The following KCNIP4 variants were observed in gnomAD, a reference collection of about 807,000 sequenced individuals.
KCNIP4 encodes the protein Kv channel-interacting protein 4.
In KCNIP4, 12 loss-of-function variants were observed where a neutral mutation model predicts 34.0. That is an observed-to-expected ratio of 0.35 (90% CI 0.23 to 0.57). The LOEUF is 0.57. KCNIP4 is among the 20% of genes least tolerant of loss of function. KCNIP4 has a pLI of 0.83. For missense variants in KCNIP4, 238 were observed against 311.7 expected, an observed-to-expected ratio of 0.76 and a Z score of 1.78; for synonymous variants, 124 against 102.2, an observed-to-expected ratio of 1.21 and a Z score of -1.29.
chr4:21,119,781 G>C (rs1488873098), intron 1 of KCNIP4, among the ~76,000 whole-genome samples: 1 of 151,904 alleles, frequency 6.6e-6, no homozygotes, highest in African/African-American at 2.4e-5. Context: ...TAATTAGCAG[G>C]TTTAGTTAGA....
intron 1 of KCNIP4, among the ~76,000 whole-genome samples, chr4:20,910,744 A>G (rs1266420469): frequency 6.6e-6 from 1 of 152,134 alleles, no homozygotes; most frequent in African/African-American, 2.4e-5. Context: ...AATTATCTCC[A>G]ATAAAACTTC....
chr4:20,996,063 G>A (rs1737525650), intron 1 of KCNIP4, among the ~76,000 whole-genome samples: 1 of 152,144 alleles, frequency 6.6e-6, no homozygotes, highest in African/African-American at 2.4e-5. Context: ...TTCCTTTAAT[G>A]AGTCAATTAA....
At chr4:21,082,871 C>CTATCTATA (rs1746119496) in intron 1 of KCNIP4, among the ~76,000 whole-genome samples, 1 of 144,258 alleles carries the variant, frequency 6.9e-6, no homozygotes, top group African/African-American at 2.7e-5. Context: ...GTTATTCTAT[C>CTATCTATA]TATCTATCTA....
chr4:20,764,144 C>T (rs1755187506), intron 3 of KCNIP4, among the ~76,000 whole-genome samples: 1 of 151,904 alleles, frequency 6.6e-6, no homozygotes, highest in Non-Finnish European at 1.5e-5. Flanking sequence ...GAAATTTTGT[C>T]TGATTATTAG....
In KCNIP4 at chr4:21,234,235, A is replaced by ATATAT. The variant is rs1491234860; in HGVS notation, c.62-351531_62-351527dup. Among the ~76,000 whole-genome samples, 7 of 36,504 alleles carry ATATAT rather than the reference A, an allele frequency of 1.9e-4. 1 individual carries two copies. The highest frequency in any genetic ancestry group is 1.1e-3 in the South Asian group (1 of 870). The allele number at this position is 36,504 out of a possible 152,430, so 23.9% of individuals were successfully genotyped here. Reference sequence around the variant, plus strand: ...GTATATTATATATAACATATATAACATATATATAACATATATTATATATAA... The same window carrying ATATAT: ...GTATATTATATATAACATATATAACATATATTATATATAACATATATTATATATAA... On this transcript the variant is annotated intron_variant, in intron 1 of 8. Transcript: ENST00000382152.
At chr4:21,795,357 T>A (rs1720554345) in intron 1 of KCNIP4, among the ~76,000 whole-genome samples, 1 of 152,170 alleles carries the variant, frequency 6.6e-6, no homozygotes, top group Non-Finnish European at 1.5e-5. Context: ...GAGAAAAACG[T>A]CTGTTGCGTA....
chr4:21,761,631 A>G (rs1173579039), intron 1 of KCNIP4, among the ~76,000 whole-genome samples: 2 of 84,674 alleles, frequency 2.4e-5, no homozygotes, highest in African/African-American at 1.5e-4. Context: ...AACAAGTACA[A>G]AAAAGCAAAA....
intron 1 of KCNIP4, among the ~76,000 whole-genome samples, chr4:21,242,194 T>G: frequency 6.8e-6 from 1 of 146,232 alleles, no homozygotes; most frequent in Non-Finnish European, 1.5e-5. Flanking sequence ...AAAGAATGTC[T>G]TCTTATGTTC....
intron 3 of KCNIP4, among the ~76,000 whole-genome samples, chr4:20,783,038 G>A (rs1757002584): frequency 6.6e-6 from 1 of 152,132 alleles, no homozygotes; most frequent in South Asian, 2.1e-4. Flanking sequence ...TGCAGCAGAA[G>A]CAAAATGCCA....
chr4:21,801,930 T>C (rs1446640496), intron 1 of KCNIP4, among the ~76,000 whole-genome samples: 1 of 151,334 alleles, frequency 6.6e-6, no homozygotes, highest in African/African-American at 2.4e-5. Context: ...AGGAAAGGGA[T>C]AGAGAACACA....
intron 1 of KCNIP4, among the ~76,000 whole-genome samples, chr4:21,412,541 T>C (rs749063827): frequency 6.6e-6 from 1 of 152,238 alleles, no homozygotes; most frequent in Non-Finnish European, 1.5e-5. Flanking sequence ...CCATAACTTA[T>C]GCTGCTGTGA....
At chr4:21,835,892 C>A (rs1206623522) in intron 1 of KCNIP4, among the ~76,000 whole-genome samples, 2 of 151,872 alleles carry the variant, frequency 1.3e-5, no homozygotes, top group African/African-American at 2.4e-5. Context: ...AAGGACTGAC[C>A]TAAAAAAAAT....
chr4:21,543,374 T>C lies in KCNIP4; in HGVS notation c.61+405197A>G, dbSNP rs1460308926. Among the ~76,000 whole-genome samples, 3 of 152,276 alleles carry C rather than the reference T, an allele frequency of 2.0e-5. No individual in the cohort carries two copies. The South Asian group carries it at 6.2e-4, about 32-fold the overall frequency. On this transcript the variant is annotated intron_variant, in intron 1 of 8. Transcript: ENST00000382152. The stretch of plus-strand genomic sequence containing the variant: ...TAATTTCAAAATTGATCATTCCTAA[T>C]CCTAACTATTCATTTTTACACTTAG...
intron 1 of KCNIP4, among the ~76,000 whole-genome samples, chr4:21,009,356 A>T (rs1480131982): frequency 2.0e-5 from 3 of 152,224 alleles, no homozygotes; most frequent in Non-Finnish European, 4.4e-5. Context: ...CCCTGGGTTC[A>T]GAGCCTCCAT....
At chr4:21,230,095 G>T (rs1262176311) in intron 1 of KCNIP4, among the ~76,000 whole-genome samples, 1 of 152,122 alleles carries the variant, frequency 6.6e-6, no homozygotes, top group Non-Finnish European at 1.5e-5. Flanking sequence ...GTCCTTATAA[G>T]GGGAGGGAGA....
intron 1 of KCNIP4, among the ~76,000 whole-genome samples, chr4:21,341,560 A>G (rs1215769836): frequency 7.6e-6 from 1 of 132,316 alleles, no homozygotes; most frequent in Non-Finnish European, 1.6e-5. Context: ...CCTTTCATTA[A>G]CAATTCTTAT....
intron 3 of KCNIP4, among the ~76,000 whole-genome samples, chr4:20,814,336 G>A (rs1165556023): frequency 2.0e-5 from 3 of 152,154 alleles, no homozygotes; most frequent in African/African-American, 7.2e-5. Context: ...TCATTTCCTT[G>A]TCATCCCTTC....
At chr4:21,728,232 C>A (rs1715336079) in intron 1 of KCNIP4, among the ~76,000 whole-genome samples, 1 of 152,160 alleles carries the variant, frequency 6.6e-6, no homozygotes, top group African/African-American at 2.4e-5. Flanking sequence ...TAACCAAACT[C>A]CAAATCTCCT....
chr4:21,642,453 T>A (rs372814284), intron 1 of KCNIP4, among the ~76,000 whole-genome samples: 1 of 152,180 alleles, frequency 6.6e-6, no homozygotes, highest in African/African-American at 2.4e-5. Context: ...TGTAGCAAAG[T>A]TCTCCAGGAG....
Sources: allele counts gnomAD v4.1 joint callset (sites outside exome capture counted in the v4.1 genomes callset), GRCh38; gene constraint gnomAD v4.1.1; transcripts MANE v1.5; gene names NCBI Gene and HGNC (gene_info 2026-07-23, HGNC 2026-07-21).